The following BBS12 variants were observed in gnomAD, a reference collection of about 807,000 sequenced individuals.
BBS12 encodes chaperonin-containing T-complex member BBS12.
A neutral mutation model predicts 5.6 loss-of-function variants in BBS12; 5 were observed. The observed-to-expected ratio is 0.89, with a 90% confidence interval of 0.46 to 1.86. The LOEUF is 1.86. Ranked by LOEUF, BBS12 falls within the 40% of genes most tolerant of loss-of-function variation. The pLI is 0.01. For synonymous variants in BBS12, 308 were observed against 306.8 expected, an observed-to-expected ratio of 1.00 and a Z score of -0.04; for missense variants, 748 against 830.4, an observed-to-expected ratio of 0.90 and a Z score of 1.22.
the BBS12 span, among the ~76,000 whole-genome samples, chr4:122,717,189 A>C: frequency 6.6e-6 from 1 of 152,232 alleles, no homozygotes; most frequent in Non-Finnish European, 1.5e-5. Flanking sequence ...TTGCTTTAAA[A>C]GAAATTAAGT....
Position 122,743,665 on chromosome 4 carries a change from G to A in BBS12, c.1773G>A (p.Leu591=). 21 of 1,614,102 alleles carry A rather than the reference G, an allele frequency of 1.3e-5. No homozygotes were observed. Among genetic ancestry groups the A allele is most frequent in the Non-Finnish European group, 1.7e-5 (20 of 1,180,022 alleles). The change falls in exon 2 of 2, where the codon CTG becomes CTA. Residue 591 remains leucine, a synonymous_variant. Transcript: ENST00000314218. The part of the protein sequence containing the change: ...AIYRPTVLKF[L]ANGWQKYLST... ...ACAGACCAACTGTGCTTAAATTCCTGGCAAATGGATGGCAGAAATACCTTT... is the reference window on the plus strand; with the variant it reads ...ACAGACCAACTGTGCTTAAATTCCTAGCAAATGGATGGCAGAAATACCTTT...
chr4:122,715,398 T>C, the BBS12 span, among the ~76,000 whole-genome samples: 1 of 152,046 alleles, frequency 6.6e-6, no homozygotes, highest in African/African-American at 2.4e-5. Flanking sequence ...TGACAAGTAG[T>C]ATTTCTAAGG....
At chr4:122,706,904 C>CT in the BBS12 span, among the ~76,000 whole-genome samples, 1 of 152,140 alleles carries the variant, frequency 6.6e-6, no homozygotes, top group East Asian at 1.9e-4. Context: ...AAACTTTTCT[C>CT]TAACATTGGG....
At chr4:122,730,488 T>C (rs1472858573), upstream of BBS12, 1 of 152,230 alleles carries the variant, frequency 6.6e-6, no homozygotes, top group East Asian at 1.9e-4. Context: ...TATTAAATTA[T>C]AAAACTGCAT....
At chr4:122,712,294 A>C in the BBS12 span, among the ~76,000 whole-genome samples, 1 of 152,220 alleles carries the variant, frequency 6.6e-6, no homozygotes, top group Non-Finnish European at 1.5e-5. Context: ...GAGAACCTTG[A>C]CTAAAATAGA....
intron 1 of BBS12, among the ~76,000 whole-genome samples, chr4:122,736,999 T>C (rs309362): frequency 0.2 from 31,096 of 152,154 alleles, 3,470 homozygotes; most frequent in Non-Finnish European, 0.23. Context: ...GACTTTTTGC[T>C]TATACATTAG....
At chr4:122,712,791 T>C in the BBS12 span, among the ~76,000 whole-genome samples, 1 of 152,182 alleles carries the variant, frequency 6.6e-6, no homozygotes, top group Non-Finnish European at 1.5e-5. Context: ...TTTTATGCAT[T>C]TTTTGCAAAT....
In BBS12 at chr4:122,742,964, C is replaced by T. The variant is rs1415398945; in HGVS notation, c.1072C>T (p.Leu358Phe). The T allele has an allele frequency of 6.2e-7, 1 of 1,614,202 alleles. No homozygotes were observed. The highest frequency in any genetic ancestry group is 1.1e-5 in the South Asian group (1 of 91,088). The change falls in exon 2 of 2, where the codon CTC (leucine) becomes TTC (phenylalanine). Residue 358 changes from leucine to phenylalanine, a missense_variant. Leu to Phe is a conservative substitution (Grantham distance 22, BLOSUM62 0). Coordinates refer to ENST00000314218, the MANE Select transcript of BBS12 (RefSeq NM_152618.3). ...ELQNQPVRIV[L>F]IEGDLTENYR... is the part of the protein sequence containing the mutation. ...GCAGAATCAGCCTGTGCGAATAGTTCTCATTGAGGGTGACCTCACAGAGAA... is the reference window on the plus strand; with the variant it reads ...GCAGAATCAGCCTGTGCGAATAGTTTTCATTGAGGGTGACCTCACAGAGAA...
At chr4:122,741,448 G>A (rs190411592) in intron 1 of BBS12, among the ~76,000 whole-genome samples, 3 of 152,312 alleles carry the variant, frequency 2.0e-5, no homozygotes, top group African/African-American at 7.2e-5. Context: ...GCCTCCCAAA[G>A]TGCTGGGATT....
At chr4:122,720,858 A>C in the BBS12 span, among the ~76,000 whole-genome samples, 2 of 150,740 alleles carry the variant, frequency 1.3e-5, no homozygotes, top group Non-Finnish European at 2.9e-5. Flanking sequence ...CTAATAAGAC[A>C]AATAGACAAG....
chr4:122,703,974 G>A, the BBS12 span, among the ~76,000 whole-genome samples: 9 of 152,088 alleles, frequency 5.9e-5, no homozygotes, highest in East Asian at 1.2e-3. Flanking sequence ...TCAGCCTCTC[G>A]AACAGCTGGG....
At position 122,743,523 on chromosome 4, in the gene BBS12, T is replaced by A. The variant is rs781664869; in HGVS notation, c.1631T>A (p.Phe544Tyr). Reference protein sequence around the residue: ...KVFLGGGAVEFLCLSCLHILA... With the variant: ...KVFLGGGAVEYLCLSCLHILA... ...TTCCTTGGAGGTGGTGCAGTTGAATTTTTGTGTCTTAGCTGTCTTCATATT... is the reference window on the plus strand; with the variant it reads ...TTCCTTGGAGGTGGTGCAGTTGAATATTTGTGTCTTAGCTGTCTTCATATT... The change falls in exon 2 of 2, where the codon TTT becomes TAT. Residue 544 changes from phenylalanine (F) to tyrosine (Y), a missense_variant. By Grantham distance (22) the Phe-to-Tyr change is conservative. Coordinates refer to ENST00000314218, the MANE Select transcript of BBS12 (RefSeq NM_152618.3). 18 of 1,614,042 alleles carry A rather than the reference T, an allele frequency of 1.1e-5. No homozygotes were observed. The highest frequency in any genetic ancestry group is 1.4e-5 in the Non-Finnish European group (17 of 1,180,032).
At chr4:122,720,313 T>A in the BBS12 span, among the ~76,000 whole-genome samples, 1 of 152,188 alleles carries the variant, frequency 6.6e-6, no homozygotes, top group Non-Finnish European at 1.5e-5. Context: ...TAGCCAGGCA[T>A]GCTGGTGCAC....
the BBS12 span, among the ~76,000 whole-genome samples, chr4:122,710,441 T>C: frequency 2.0e-5 from 3 of 152,234 alleles, no homozygotes; most frequent in Admixed American, 2.0e-4. Flanking sequence ...ATAGCACAAC[T>C]GGGGCAGTAT....
intron 1 of BBS12, among the ~76,000 whole-genome samples, chr4:122,739,360 C>T (rs1461866856): frequency 1.3e-5 from 2 of 152,164 alleles, no homozygotes; most frequent in Non-Finnish European, 2.9e-5. Flanking sequence ...ACAGTTCATT[C>T]AAAAGTTAAA....
the BBS12 span, among the ~76,000 whole-genome samples, chr4:122,707,010 G>C: frequency 7.2e-6 from 1 of 138,288 alleles, no homozygotes; most frequent in Non-Finnish European, 1.5e-5. Context: ...TTTTTCCTCA[G>C]TTAAAACTTT....
At chr4:122,702,407 C>T in the BBS12 span, among the ~76,000 whole-genome samples, 1 of 152,172 alleles carries the variant, frequency 6.6e-6, no homozygotes, top group Non-Finnish European at 1.5e-5. Flanking sequence ...ATGGTGAGGT[C>T]CAAGGACCAC....
the BBS12 span, among the ~76,000 whole-genome samples, chr4:122,714,909 T>G: frequency 2.0e-5 from 3 of 152,274 alleles, no homozygotes; most frequent in East Asian, 5.8e-4. Flanking sequence ...ATGCTTATCA[T>G]GACAATACAT....
the BBS12 span, among the ~76,000 whole-genome samples, chr4:122,702,903 G>C: frequency 6.6e-6 from 1 of 152,178 alleles, no homozygotes; most frequent in African/African-American, 2.4e-5. Flanking sequence ...TGAGTTTGAG[G>C]ACAGGACTGA....
Sources: gnomAD v4.1 joint callset for allele counts (sites outside exome capture counted in the v4.1 genomes callset) on GRCh38, gnomAD v4.1.1 for gene constraint, MANE v1.5 for transcripts, NCBI Gene and HGNC (gene_info 2026-07-23, HGNC 2026-07-21) for gene names.